The following RBFOX3 variants were observed in gnomAD, a reference collection of about 807,000 sequenced individuals.
RBFOX3 encodes RNA binding fox-1 homolog 3, also known as RNA binding protein fox-1 homolog 3.
In RBFOX3, 17 loss-of-function variants were observed where a neutral mutation model predicts 48.7. The observed-to-expected ratio is 0.35, with a 90% CI of 0.24 to 0.52. The LOEUF (loss-of-function observed/expected upper bound fraction) is 0.52, where lower values mean the gene tolerates loss of function less well. RBFOX3 is among the 20% of genes least tolerant of loss of function. The pLI, the probability that RBFOX3 is intolerant of heterozygous loss-of-function variation, is 0.94. For synonymous variants in RBFOX3, 212 were observed against 209.5 expected (o/e 1.01, Z -0.10); for missense variants, 382 against 497.5 (o/e 0.77, Z 2.21).
At chr17:79,620,175 GCA>G in the RBFOX3 span, among the ~76,000 whole-genome samples, 1 of 90,944 alleles carries the variant, frequency 1.1e-5, no homozygotes, top group African/African-American at 4.2e-5. Context: ...GCACACACAT[GCA>G]CACACATGTG....
intron 2 of RBFOX3, among the ~76,000 whole-genome samples, chr17:79,448,294 C>T (rs1159324727): frequency 1.5e-4 from 23 of 152,122 alleles, no homozygotes; most frequent in African/African-American, 5.3e-4. Flanking sequence ...AATTGTGTCT[C>T]CCAAAAAGAT....
intron 4 of RBFOX3, among the ~76,000 whole-genome samples, chr17:79,153,925 G>A (rs906819781): frequency 2.6e-5 from 4 of 152,256 alleles, no homozygotes. Context: ...AGTGACAACC[G>A]CAGACCCTAC....
chr17:79,519,893 G>C (rs1464073385), intron 1 of RBFOX3, among the ~76,000 whole-genome samples: 1 of 152,172 alleles, frequency 6.6e-6, no homozygotes, highest in Non-Finnish European at 1.5e-5. Context: ...GCTGGTCCCC[G>C]GGACCCTGCC....
intron 4 of RBFOX3, among the ~76,000 whole-genome samples, chr17:79,124,304 G>A (rs1256496430): frequency 6.6e-6 from 1 of 152,234 alleles, no homozygotes; most frequent in African/African-American, 2.4e-5. Flanking sequence ...CAATCACACA[G>A]CAAGGTGACC....
At chr17:79,634,629 C>A in the RBFOX3 span, among the ~76,000 whole-genome samples, 2 of 152,102 alleles carry the variant, frequency 1.3e-5, no homozygotes, top group African/African-American at 2.4e-5. Flanking sequence ...CCTCAGGGAG[C>A]CTTCAGGGTA....
At chr17:79,646,292 A>C in the RBFOX3 span, among the ~76,000 whole-genome samples, 1 of 152,316 alleles carries the variant, frequency 6.6e-6, no homozygotes, top group South Asian at 2.1e-4. Context: ...GGTACAATGG[A>C]AGGTGTTGTC....
chr17:79,467,047 G>A (rs1195953217), intron 2 of RBFOX3, among the ~76,000 whole-genome samples: 5 of 152,166 alleles, frequency 3.3e-5, no homozygotes, highest in South Asian at 2.1e-4. Context: ...CACTGCACAC[G>A]TCTAGATAAG....
chr17:79,129,958 G>A (rs1197472853), intron 4 of RBFOX3, among the ~76,000 whole-genome samples: 1 of 152,172 alleles, frequency 6.6e-6, no homozygotes, highest in Non-Finnish European at 1.5e-5. Context: ...ATGGGGGCTG[G>A]TGAGCAAATG....
At chr17:79,415,256 G>A (rs917816817) in intron 2 of RBFOX3, among the ~76,000 whole-genome samples, 1 of 152,220 alleles carries the variant, frequency 6.6e-6, no homozygotes, top group Non-Finnish European at 1.5e-5. Flanking sequence ...GTTCCAAAGA[G>A]CCAGTCCCTG....
chr17:79,458,169 G>A (rs565568991), intron 2 of RBFOX3, among the ~76,000 whole-genome samples: 17 of 152,382 alleles, frequency 1.1e-4, no homozygotes, highest in South Asian at 6.2e-4. Flanking sequence ...AGGCAGGCAC[G>A]CAGTGTCTCG....
chr17:79,116,894 G>A (rs1427538404), intron 4 of RBFOX3, among the ~76,000 whole-genome samples: 1 of 152,264 alleles, frequency 6.6e-6, no homozygotes, highest in African/African-American at 2.4e-5. Context: ...GCAGCACCTG[G>A]GAGCTTTTTG....
intron 4 of RBFOX3, among the ~76,000 whole-genome samples, chr17:79,117,946 C>T (rs62063838): frequency 0.17 from 26,221 of 152,184 alleles, 2,276 homozygotes; most frequent in South Asian, 0.25. Flanking sequence ...AGGGACGGTC[C>T]AAGGCTGGGT....
At chr17:79,542,812 A>G (rs1000249150) in intron 1 of RBFOX3, among the ~76,000 whole-genome samples, 5 of 152,210 alleles carry the variant, frequency 3.3e-5, no homozygotes, top group African/African-American at 1.2e-4. Flanking sequence ...TTACAAAACA[A>G]AAGAAATTAA....
chr17:79,498,469 TCATC>T (rs67796237), intron 1 of RBFOX3, among the ~76,000 whole-genome samples: 141,545 of 146,452 alleles, frequency 0.97, 68,433 homozygotes, highest in Middle Eastern at 0.99. Context: ...ACCCATTCAC[TCATC>T]CATCCATCCA....
chr17:79,167,672 G>A (rs2048302355), intron 4 of RBFOX3, among the ~76,000 whole-genome samples: 2 of 152,192 alleles, frequency 1.3e-5, no homozygotes, highest in African/African-American at 4.8e-5. Flanking sequence ...CGTGCTTGGT[G>A]GGTCCCCTGC....
At chr17:79,457,678 G>A (rs149079701) in intron 2 of RBFOX3, among the ~76,000 whole-genome samples, 34 of 152,314 alleles carry the variant, frequency 2.2e-4, no homozygotes, top group Middle Eastern at 6.8e-3. Context: ...GAATGAATGC[G>A]TCCTAGGCCA....
chr17:79,646,724 C>T, the RBFOX3 span, among the ~76,000 whole-genome samples: 1 of 152,144 alleles, frequency 6.6e-6, no homozygotes, highest in South Asian at 2.1e-4. Context: ...AAAGACCAAA[C>T]CTGACCTGCC....
At chr17:79,174,355 GCA>G (rs146068562) in intron 4 of RBFOX3, among the ~76,000 whole-genome samples, 47 of 148,766 alleles carry the variant, frequency 3.2e-4, no homozygotes, top group African/African-American at 1.0e-3. Context: ...AGCCACACGT[GCA>G]CACAGACACA....
chr17:79,097,663 T>TACCAACCCCCCCCC, intron 10 of RBFOX3, 29 bp downstream of exon 10: 1 of 1,384,074 alleles, frequency 7.2e-7, no homozygotes, highest in Non-Finnish European at 9.8e-7. Flanking sequence ...GCTGGTCTCA[T>TACCAACCCCCCCCC]CCCATCCCCG....
Sources: allele counts gnomAD v4.1 joint callset (sites outside exome capture counted in the v4.1 genomes callset), GRCh38; gene constraint gnomAD v4.1.1; transcripts MANE v1.5; gene names NCBI Gene and HGNC (gene_info 2026-07-23, HGNC 2026-07-21).